The following RCC2 variants were observed in gnomAD, a reference collection of about 807,000 sequenced individuals.
The protein encoded by RCC2 is regulator of chromosome condensation 2, also known as protein RCC2.
In RCC2, 19 loss-of-function variants were observed where a neutral mutation model predicts 64.1. The observed-to-expected ratio is 0.30, with a 90% CI of 0.21 to 0.44. The LOEUF is 0.44. Among genes scored for constraint, RCC2 ranks in the 20% least tolerant of loss-of-function variants. RCC2 has a pLI of 1.00. For missense variants in RCC2, 508 were observed against 710.4 expected, an observed-to-expected ratio of 0.72 and a Z score of 3.24; for synonymous variants, 325 against 279.6, an observed-to-expected ratio of 1.16 and a Z score of -1.62.
chr1:17,425,076 G>C (rs995406006), intron 4 of RCC2, among the ~76,000 whole-genome samples: 2 of 152,212 alleles, frequency 1.3e-5, no homozygotes, highest in Non-Finnish European at 2.9e-5. Context: ...CCTCAGACAC[G>C]AGGGCCATGG....
chr1:17,413,831 A>T, intron 8 of RCC2, 114 bp from the exon 9 acceptor site: 1 of 952,512 alleles, frequency 1.0e-6, no homozygotes, highest in Non-Finnish European at 1.6e-6. Context: ...AAGGAACAGC[A>T]ACATTCAAGA....
At chr1:17,420,591 C>A (rs1454406948) in intron 7 of RCC2, 123 bp downstream of exon 7, 2 of 559,958 alleles carry the variant, frequency 3.6e-6, no homozygotes, top group Non-Finnish European at 6.2e-6. Flanking sequence ...ACTTAACGGA[C>A]AAAGGCTATT....
intron 4 of RCC2, among the ~76,000 whole-genome samples, chr1:17,425,096 C>T (rs545635012): frequency 3.9e-5 from 6 of 152,198 alleles, no homozygotes; most frequent in South Asian, 4.1e-4. Flanking sequence ...GCGGCAGGGA[C>T]GCAGCATCCT....
intron 2 of RCC2, 64 bp from the exon 3 acceptor site, chr1:17,429,263 G>T: frequency 7.8e-7 from 1 of 1,285,910 alleles, no homozygotes; most frequent in Non-Finnish European, 1.1e-6. Context: ...TTCCAAGGCT[G>T]TCCAATGACA....
rs144458340 is a variant in RCC2, at chr1:17,413,715, C to T, written c.1029G>A (p.Leu343=). The change falls in exon 9 of 13, where the codon CTG becomes CTA. Residue 343 remains leucine, a splice_region_variant and synonymous_variant. Transcript: ENST00000375436. ...AGACTCGCTTCTGGGAGTCCAGGAC[C>T]AGCTGCAAGGAAAGAAAACACAGGG... ...RDVACGANHT[L]VLDSQKRVFS... 412 of 1,607,052 alleles carry T rather than the reference C, an allele frequency of 2.6e-4. 3 individuals are homozygous for T. In the Middle Eastern group the frequency reaches 8.0e-3, roughly 31 times the overall value.
At position 17,425,137 on chromosome 1, in the gene RCC2, T is replaced by C. The variant is rs76511382; in HGVS notation, c.523+404A>G. Among the ~76,000 whole-genome samples, 48 of 152,144 alleles carry C rather than the reference T, an allele frequency of 3.2e-4. No individual in the cohort carries two copies. The East Asian group carries it at 8.3e-3, about 26-fold the overall frequency. On this transcript the variant is annotated intron_variant, in intron 4 of 12. Transcript: ENST00000375436. Reference sequence around the variant, plus strand: ...ATGAGGCGGGAGGTAGAAAAGCCAGTGGCATTTCAAGTGGCAGCAACAGAG... The same window carrying C: ...ATGAGGCGGGAGGTAGAAAAGCCAGCGGCATTTCAAGTGGCAGCAACAGAG...
chr1:17,408,948 C>T lies in RCC2; in HGVS notation c.*142G>A, dbSNP rs761501463. On this transcript the variant is annotated 3_prime_UTR_variant, in exon 13 of 13. Coordinates refer to ENST00000375436, the MANE Select transcript of RCC2 (RefSeq NM_018715.4). The stretch of plus-strand genomic sequence containing the variant: ...AGTTAACGTTGGATCATGTGTAAAA[C>T]GGAACCTCAGGGAGTCTAAACAAAA... The T allele has an allele frequency of 6.3e-5, 43 of 682,800 alleles. No individual in the cohort carries two copies. The highest frequency in any genetic ancestry group is 8.5e-5 in the Non-Finnish European group (32 of 376,766). 42.3% of individuals were successfully genotyped at this position (682,800 alleles called of 1,614,324 possible).
rs149944179 is a variant in RCC2, at chr1:17,437,601, C to T, written c.285+629G>A. Among the ~76,000 whole-genome samples the T allele has an allele frequency of 3.3e-3, 501 of 152,164 alleles. 4 individuals are homozygous for T. The highest frequency in any genetic ancestry group is 0.012 in the African/African-American group (478 of 41,482). On this transcript the variant is annotated intron_variant, in intron 2 of 12. Coordinates refer to ENST00000375436, the MANE Select transcript of RCC2 (RefSeq NM_018715.4). ...TCGCGAGCATCCTGCAGCTTCGGAC[C>T]ACCGGCGGCAAACAAAGCCCGAGCA... is the stretch of plus-strand genomic sequence containing the variant.
chr1:17,431,391 G>T (rs1361765487), intron 2 of RCC2, among the ~76,000 whole-genome samples: 1 of 100,258 alleles, frequency 1.0e-5, no homozygotes, highest in Non-Finnish European at 2.1e-5. Context: ...TGTGGGCTGG[G>T]TGTGGTGGCT....
chr1:17,426,949 G>A (rs1197751339), intron 3 of RCC2, among the ~76,000 whole-genome samples: 11 of 151,984 alleles, frequency 7.2e-5, no homozygotes, highest in Non-Finnish European at 2.9e-5. Flanking sequence ...ATTTAGTAGA[G>A]AGGGTTTCAC....
intron 10 of RCC2, 75 bp from the exon 11 acceptor site, chr1:17,412,269 T>C (rs2075435284): frequency 1.4e-6 from 2 of 1,401,254 alleles, no homozygotes; most frequent in South Asian, 1.2e-5. Flanking sequence ...CTCAAGGGCA[T>C]GAGTGTGAGC....
At chr1:17,409,531 C>T (rs868709391) in intron 12 of RCC2, among the ~76,000 whole-genome samples, 2 of 152,178 alleles carry the variant, frequency 1.3e-5, no homozygotes, top group Admixed American at 6.5e-5. Flanking sequence ...GTGAGGTGCA[C>T]CACCCCTCTC....
chr1:17,418,697 C>G (rs1276360316), intron 7 of RCC2, among the ~76,000 whole-genome samples: 1 of 152,086 alleles, frequency 6.6e-6, no homozygotes, highest in Non-Finnish European at 1.5e-5. Context: ...CTAAGAAATT[C>G]CCCCACCTTC....
At chr1:17,412,930 A>G (rs2075442905) in intron 10 of RCC2, 143 bp downstream of exon 10, 1 of 638,356 alleles carries the variant, frequency 1.6e-6, no homozygotes, top group African/African-American at 1.8e-5. Context: ...GGACTCTGGG[A>G]TTCAGTGTGT....
Position 17,420,793 on chromosome 1 carries a change from G to C in RCC2, c.780C>G (p.Ala260=). Residue 260 remains alanine, a synonymous_variant, in exon 7 of 13, where the codon GCC becomes GCG. Transcript: ENST00000375436. ...TTATCATACTGAATTCAGCCCCACA[G>C]GCCATTTTGGTAATTGGCTGGCCGT... is the stretch of plus-strand genomic sequence containing the variant. ...MYNGQPITKM[A]CGAEFSMIMD... is the part of the protein sequence containing the mutation. The C allele has an allele frequency of 6.2e-7, 1 of 1,610,372 alleles. No individual in the cohort carries two copies. Among genetic ancestry groups the C allele is most frequent in the Non-Finnish European group, 8.5e-7 (1 of 1,179,056 alleles).
At chr1:17,424,485 C>A (rs532145912) in intron 4 of RCC2, among the ~76,000 whole-genome samples, 9 of 151,988 alleles carry the variant, frequency 5.9e-5, no homozygotes, top group African/African-American at 2.2e-4. Flanking sequence ...CTATGCCAAC[C>A]GGGAGAAAAC....
chr1:17,427,307 G>A lies in RCC2; in HGVS notation c.380-1623C>T, dbSNP rs188238646. On this transcript the variant is annotated intron_variant, in intron 3 of 12. Transcript: ENST00000375436. ...CTCATTCAGGTGTGGGGGCAAGTGG[G>A]CAAGACTCCTGGCCGCAGGCGGGCA... is the stretch of plus-strand genomic sequence containing the variant. 7.7e-4 allele frequency among the ~76,000 whole-genome samples: 117 copies of A among 152,296 alleles called. 1 individual carries two copies. Among genetic ancestry groups the A allele is most frequent in the African/African-American group, 2.7e-3 (113 of 41,572 alleles).
intron 7 of RCC2, among the ~76,000 whole-genome samples, chr1:17,419,200 C>G (rs548174698): frequency 6.6e-6 from 1 of 152,018 alleles, no homozygotes; most frequent in Admixed American, 6.5e-5. Flanking sequence ...ACTAAAAATA[C>G]AAAAAAAAGT....
At chr1:17,418,362 A>T (rs1053473989) in intron 7 of RCC2, among the ~76,000 whole-genome samples, 1 of 152,094 alleles carries the variant, frequency 6.6e-6, no homozygotes, top group Non-Finnish European at 1.5e-5. Context: ...GTCCGTTTAA[A>T]AGTCTGAGGG....
Sources: allele counts gnomAD v4.1 joint callset (sites outside exome capture counted in the v4.1 genomes callset), GRCh38; gene constraint gnomAD v4.1.1; transcripts MANE v1.5; gene names NCBI Gene and HGNC (gene_info 2026-07-23, HGNC 2026-07-21).